PDE3B: variants seen among roughly 807,000 people sequenced by gnomAD.
PDE3B encodes cGMP-inhibited 3',5'-cyclic phosphodiesterase 3B.
A neutral mutation model predicts 116.8 loss-of-function variants in PDE3B; 66 were observed. The ratio of observed to expected loss-of-function variants is 0.56; its 90% CI spans 0.46 to 0.69. The LOEUF (loss-of-function observed/expected upper bound fraction) is 0.69, where lower values mean the gene tolerates loss of function less well. Among genes scored for constraint, PDE3B ranks in the 30% least tolerant of loss-of-function variants. The pLI is 0.00. For synonymous variants in PDE3B, 595 were observed against 533.6 expected (o/e 1.12, Z -1.59); for missense variants, 1,384 against 1,368.1 (o/e 1.01, Z -0.18).
At chr11:14,685,178 G>A (rs1854833293) in intron 1 of PDE3B, among the ~76,000 whole-genome samples, 1 of 152,044 alleles carries the variant, frequency 6.6e-6, no homozygotes, top group Admixed American at 6.6e-5. Flanking sequence ...AATTATAAAA[G>A]TATTAATTTT....
intron 4 of PDE3B, among the ~76,000 whole-genome samples, chr11:14,790,330 CTT>C (rs59685155): frequency 5.9e-5 from 8 of 136,126 alleles, no homozygotes; most frequent in East Asian, 2.1e-4. Flanking sequence ...ACATCATAGT[CTT>C]TTTTTTTTTT....
At chr11:14,776,400 TC>T (rs1331792617) in intron 2 of PDE3B, 2 of 152,220 alleles carry the variant, frequency 1.3e-5, no homozygotes, top group African/African-American at 2.4e-5. Flanking sequence ...TGATCTTTGT[TC>T]CTGTCACCTG....
rs781932787 is a variant in PDE3B, at chr11:14,861,406, G to C, written c.2886+40G>C. 5.1e-6 allele frequency: 8 copies of C among 1,576,400 alleles called. 1 individual carries two copies. The highest frequency in any genetic ancestry group is 2.2e-5 in the South Asian group (2 of 89,578). ...GAGCTTGGTGGGATTTTTAAGAGCT[G>C]TCATGAGAAGACACTACTCTTTGGG... On this transcript the variant is annotated intron_variant, in intron 14 of 15. Transcript: ENST00000282096.
At chr11:14,757,558 G>T (rs1435569441) in intron 1 of PDE3B, among the ~76,000 whole-genome samples, 1 of 139,198 alleles carries the variant, frequency 7.2e-6, no homozygotes, top group African/African-American at 2.8e-5. Flanking sequence ...GGCCAGTGAT[G>T]ATGAGCATTT....
intron 1 of PDE3B, among the ~76,000 whole-genome samples, chr11:14,694,644 G>C (rs1855150130): frequency 6.6e-6 from 1 of 152,098 alleles, no homozygotes; most frequent in South Asian, 2.1e-4. Flanking sequence ...TTACAGTATA[G>C]TGTAAATATA....
rs1477424768 is a variant in PDE3B at position 14,871,598 on chromosome 11, C to G, written c.*1938C>G. The G allele has an allele frequency of 6.6e-6, 1 of 151,890 alleles. No individual in the cohort carries two copies. Among genetic ancestry groups the G allele is most frequent in the Non-Finnish European group, 1.5e-5 (1 of 67,942 alleles). The allele number at this position is 151,890 out of a possible 1,614,324, so 9.4% of individuals were successfully genotyped here. On this transcript the variant is annotated 3_prime_UTR_variant, in exon 16 of 16. Transcript: ENST00000282096. ...GGGTTTCTTTAGTTTATGTTGTTTT[C>G]TCAAAAGCAGCATTTTAAATTACGA...
intron 13 of PDE3B, 126 bp downstream of exon 13, chr11:14,859,372 AAAT>A: frequency 1.7e-6 from 1 of 581,900 alleles, no homozygotes. Context: ...AGTTGATATA[AAAT>A]AATATATATG....
intron 11 of PDE3B, among the ~76,000 whole-genome samples, chr11:14,835,548 A>G (rs10832306): frequency 0.13 from 20,105 of 152,204 alleles, 1,489 homozygotes; most frequent in African/African-American, 0.2. Context: ...CAATGATGAC[A>G]TTAAAAACTT....
At chr11:14,872,644 A>C (rs781955095), downstream of PDE3B, among the ~76,000 whole-genome samples, 5 of 152,204 alleles carry the variant, frequency 3.3e-5, no homozygotes, top group Non-Finnish European at 7.3e-5. Context: ...ATGAGGATCA[A>C]ATAGCATACT....
intron 1 of PDE3B, chr11:14,673,960 T>C: frequency 7.4e-7 from 1 of 1,358,502 alleles, no homozygotes; most frequent in Non-Finnish European, 1.1e-6. Flanking sequence ...TTCTTGTAAT[T>C]TGCGTAATCC....
chr11:14,784,556 A>T (rs1858135432), intron 2 of PDE3B, among the ~76,000 whole-genome samples: 1 of 152,178 alleles, frequency 6.6e-6, no homozygotes, highest in Non-Finnish European at 1.5e-5. Context: ...AAACTCTATA[A>T]ATTAATCAAG....
At chr11:14,684,194 A>AC (rs1374379004) in intron 1 of PDE3B, among the ~76,000 whole-genome samples, 1 of 152,108 alleles carries the variant, frequency 6.6e-6, no homozygotes, top group African/African-American at 2.4e-5. Flanking sequence ...AGGGGAACCC[A>AC]CCCCCCGTAT....
Position 14,869,441 on chromosome 11 carries a change from ATTTAT to A in PDE3B, c.3140-15_3140-11del, listed in dbSNP as rs1555008657. On this transcript the variant is annotated splice_polypyrimidine_tract_variant and intron_variant, in intron 15 of 15. Coordinates refer to ENST00000282096, the MANE Select transcript of PDE3B (RefSeq NM_000922.4). ...AATCATATTGCTATGATTAGAATAT[ATTTAT>A]TTTAAATTTCACAGAACCACCAAGA... The A allele has an allele frequency of 2.5e-6, 4 of 1,596,134 alleles. No homozygotes were observed. Among genetic ancestry groups the A allele is most frequent in the Non-Finnish European group, 2.6e-6 (3 of 1,169,720 alleles).
At chr11:14,831,340 T>C (rs1336695840) in intron 8 of PDE3B, among the ~76,000 whole-genome samples, 1 of 151,758 alleles carries the variant, frequency 6.6e-6, no homozygotes, top group Non-Finnish European at 1.5e-5. Context: ...CTGTAACTAC[T>C]AAAATGAAAA....
At chr11:14,712,018 C>G (rs1460488826) in intron 1 of PDE3B, among the ~76,000 whole-genome samples, 1 of 152,202 alleles carries the variant, frequency 6.6e-6, no homozygotes. Flanking sequence ...AGTCATTCTT[C>G]TAAGTCCAAG....
At chr11:14,798,964 C>T (rs943209464) in intron 4 of PDE3B, among the ~76,000 whole-genome samples, 5 of 151,926 alleles carry the variant, frequency 3.3e-5, no homozygotes, top group Admixed American at 6.6e-5. Flanking sequence ...TATTTCTTGC[C>T]TTCTGCTAGC....
intron 1 of PDE3B, among the ~76,000 whole-genome samples, chr11:14,665,811 T>C (rs1377320044): frequency 5.9e-5 from 9 of 152,188 alleles, no homozygotes; most frequent in Admixed American, 1.3e-4. Context: ...GAACATTCCA[T>C]GCTCATGGGT....
chr11:14,894,310 T>TGGATATTGG, the PDE3B span, among the ~76,000 whole-genome samples: 2 of 152,160 alleles, frequency 1.3e-5, no homozygotes, highest in African/African-American at 2.4e-5. Flanking sequence ...TGACACAGGA[T>TGGATATTGG]GGATATTGGG....
At chr11:14,665,184 A>T (rs1354942254) in intron 1 of PDE3B, among the ~76,000 whole-genome samples, 1 of 152,248 alleles carries the variant, frequency 6.6e-6, no homozygotes, top group African/African-American at 2.4e-5. Flanking sequence ...TTATCTCAAT[A>T]GATGCAGAAA....
Sources: gnomAD v4.1 joint callset for allele counts (sites outside exome capture counted in the v4.1 genomes callset) on GRCh38, gnomAD v4.1.1 for gene constraint, MANE v1.5 for transcripts, NCBI Gene and HGNC (gene_info 2026-07-23, HGNC 2026-07-21) for gene names.